ADAMTS19: variants seen among roughly 807,000 people sequenced by gnomAD.
The protein encoded by ADAMTS19 is ADAM metallopeptidase with thrombospondin type 1 motif 19.
A neutral mutation model predicts 153.3 loss-of-function variants in ADAMTS19; 93 were observed. That is an observed-to-expected ratio of 0.61 (90% CI 0.51 to 0.72). The LOEUF is 0.72. Among genes scored for constraint, ADAMTS19 ranks in the 30% least tolerant of loss-of-function variants. The pLI, the probability that ADAMTS19 is intolerant of heterozygous loss-of-function variation, is 0.00. For missense variants in ADAMTS19, 1,482 were observed against 1,552.1 expected, an observed-to-expected ratio of 0.95 and a Z score of 0.76; for synonymous variants, 600 against 556.6, an observed-to-expected ratio of 1.08 and a Z score of -1.10.
At chr5:129,670,851 A>G (rs1754269992) in intron 16 of ADAMTS19, among the ~76,000 whole-genome samples, 1 of 152,200 alleles carries the variant, frequency 6.6e-6, no homozygotes, top group Non-Finnish European at 1.5e-5. Context: ...ACCTCTAAAC[A>G]TAAGTCTCCA....
chr5:129,702,941 A>AAAAAATATATAT, intron 20 of ADAMTS19, among the ~76,000 whole-genome samples: 14 of 29,304 alleles, frequency 4.8e-4, no homozygotes, highest in African/African-American at 1.2e-3. Context: ...AAAAAAAAAA[A>AAAAAATATATAT]ATATATATAT....
At chr5:129,486,861 A>G (rs1441996977) in intron 2 of ADAMTS19, among the ~76,000 whole-genome samples, 3 of 152,216 alleles carry the variant, frequency 2.0e-5, no homozygotes, top group African/African-American at 7.2e-5. Context: ...GTACATAGAA[A>G]ATATTAAGTA....
At chr5:129,684,742 C>T (rs888855816) in intron 18 of ADAMTS19, among the ~76,000 whole-genome samples, 3 of 151,838 alleles carry the variant, frequency 2.0e-5, no homozygotes, top group Non-Finnish European at 4.4e-5. Context: ...AATCCCAGCA[C>T]TCTGGGAGGC....
intron 21 of ADAMTS19, among the ~76,000 whole-genome samples, chr5:129,708,664 T>G (rs1756289488): frequency 6.6e-6 from 1 of 151,712 alleles, no homozygotes; most frequent in African/African-American, 2.4e-5. Flanking sequence ...TTTATGAAGT[T>G]TTATAGAGTT....
At position 129,587,699 on chromosome 5, in the gene ADAMTS19, T is replaced by C. The variant is rs1749887292; in HGVS notation, c.1373-8860T>C. 2.6e-5 allele frequency among the ~76,000 whole-genome samples: 4 copies of C among 152,172 alleles called. No homozygotes were observed. In the South Asian group the frequency reaches 8.3e-4, roughly 31 times the overall value. Reference sequence around the variant, plus strand: ...TGGCAATTTTCTTGAAGGAGAATACTCTATGGCTTCTCAATTCTCCAGTTT... The same window carrying C: ...TGGCAATTTTCTTGAAGGAGAATACCCTATGGCTTCTCAATTCTCCAGTTT... On this transcript the variant is annotated intron_variant, in intron 7 of 22. Coordinates refer to ENST00000274487, the MANE Select transcript of ADAMTS19 (RefSeq NM_133638.6).
chr5:129,702,163 C>T (rs917731629), intron 20 of ADAMTS19, among the ~76,000 whole-genome samples: 1 of 152,156 alleles, frequency 6.6e-6, no homozygotes, highest in Non-Finnish European at 1.5e-5. Context: ...CCTCCCAACC[C>T]CTACAGGCTT....
At position 129,596,551 on chromosome 5, in the gene ADAMTS19, T is replaced by G. The variant is rs367754061; in HGVS notation, c.1373-8T>G. 4 of 1,539,418 alleles carry G rather than the reference T, an allele frequency of 2.6e-6. No homozygotes were observed. The highest frequency in any genetic ancestry group is 3.5e-6 in the Non-Finnish European group (4 of 1,128,510). On this transcript the variant is annotated splice_region_variant and splice_polypyrimidine_tract_variant and intron_variant, in intron 7 of 22. Coordinates refer to ENST00000274487, the MANE Select transcript of ADAMTS19 (RefSeq NM_133638.6). ...AGACATATAATAATTAATGTTTGTA[T>G]TTTTTAGGTATAGCTTACTTGAGTG...
chr5:129,585,132 C>T lies in ADAMTS19; in HGVS notation c.1373-11427C>T, dbSNP rs183007355. Among the ~76,000 whole-genome samples the T allele has an allele frequency of 8.6e-5, 13 of 151,936 alleles. No homozygotes were observed. The East Asian group carries it at 2.0e-3, about 23-fold the overall frequency. On this transcript the variant is annotated intron_variant, in intron 7 of 22. Transcript: ENST00000274487. Reference sequence around the variant, plus strand: ...TTCCTCAAGGCACAGTCCCTCATGGCTCCCCTTGGCTAGTGGAGGGAGTTC... The same window carrying T: ...TTCCTCAAGGCACAGTCCCTCATGGTTCCCCTTGGCTAGTGGAGGGAGTTC...
At chr5:129,646,618 T>C (rs1180139127) in intron 11 of ADAMTS19, among the ~76,000 whole-genome samples, 2 of 152,212 alleles carry the variant, frequency 1.3e-5, no homozygotes, top group Non-Finnish European at 2.9e-5. Flanking sequence ...GTAAGGGCTA[T>C]ACATTGTGTT....
rs528476572 is a variant in ADAMTS19, at chr5:129,573,237, G to T, written c.1372+21330G>T. On this transcript the variant is annotated intron_variant, in intron 7 of 22. Coordinates refer to ENST00000274487, the MANE Select transcript of ADAMTS19 (RefSeq NM_133638.6). ...TTGCTTAGGACCAATATTTTTTGCAGATTTTAGTGAGTTTCTGTGTTCAAA... is the reference window on the plus strand; with the variant it reads ...TTGCTTAGGACCAATATTTTTTGCATATTTTAGTGAGTTTCTGTGTTCAAA... Among the ~76,000 whole-genome samples the T allele has an allele frequency of 2.1e-4, 32 of 152,114 alleles. 1 individual carries two copies. The South Asian group carries it at 6.6e-3, about 31-fold the overall frequency.
intron 7 of ADAMTS19, among the ~76,000 whole-genome samples, chr5:129,591,418 G>A (rs998669626): frequency 4.6e-5 from 7 of 151,260 alleles, no homozygotes; most frequent in African/African-American, 1.2e-4. Context: ...TCAGCCTCCC[G>A]AGTAGCTGGA....
intron 18 of ADAMTS19, among the ~76,000 whole-genome samples, chr5:129,686,329 T>C (rs560028656): frequency 6.6e-6 from 1 of 152,160 alleles, no homozygotes; most frequent in African/African-American, 2.4e-5. Context: ...ATATGGGGGC[T>C]GGAAAGACAG....
intron 3 of ADAMTS19, among the ~76,000 whole-genome samples, chr5:129,513,714 T>G (rs1016452420): frequency 6.6e-6 from 1 of 152,070 alleles, no homozygotes; most frequent in Non-Finnish European, 1.5e-5. Flanking sequence ...CATATAGGCA[T>G]GCATTGTGAA....
intron 16 of ADAMTS19, among the ~76,000 whole-genome samples, chr5:129,678,177 T>C (rs934566535): frequency 6.6e-6 from 1 of 152,108 alleles, no homozygotes; most frequent in East Asian, 1.9e-4. Flanking sequence ...TAGTCCTCAT[T>C]TCTCCAGCCT....
intron 8 of ADAMTS19, among the ~76,000 whole-genome samples, chr5:129,604,564 A>G (rs938768857): frequency 7.2e-5 from 11 of 152,220 alleles, no homozygotes; most frequent in Non-Finnish European, 1.5e-4. Context: ...TTGACAGTGC[A>G]TAAGAAATAT....
chr5:129,538,983 G>A (rs1222262867), intron 6 of ADAMTS19, among the ~76,000 whole-genome samples: 5 of 152,032 alleles, frequency 3.3e-5, no homozygotes, highest in African/African-American at 1.2e-4. Context: ...GGTAATCAAT[G>A]TTAAGAGTTG....
chr5:129,526,293 G>T lies in ADAMTS19; in HGVS notation c.923G>T (p.Arg308Ile), dbSNP rs1752005539. 6.3e-7 allele frequency: 1 copy of T among 1,577,172 alleles called. No homozygotes were observed. Among genetic ancestry groups the T allele is most frequent in the African/African-American group, 1.4e-5 (1 of 72,320 alleles). Residue 308 changes from arginine (R) to isoleucine (I), a missense_variant, in exon 4 of 23, where the codon AGA becomes ATA. This residue lies in a region of ADAMTS19 where 866 missense variants were observed against 827.7 expected (regional missense o/e 1.05). Transcript: ENST00000274487. ...CAATTCTCTGTTGCAGATAAAGGAA[G>T]ACCTAGGTCTAGAAAAATAGCAGAA... ...HYCGIISDKG[R>I]PRSRKIAESG...
chr5:129,716,573 CT>C (rs35089778), intron 21 of ADAMTS19, among the ~76,000 whole-genome samples: 1,430 of 137,216 alleles, frequency 0.01, 20 homozygotes, highest in African/African-American at 0.03. Flanking sequence ...CTTCCAGTTT[CT>C]TTTTTTTTTT....
Position 129,528,651 on chromosome 5 carries a change from A to G in ADAMTS19, c.1302A>G (p.Ser434=), listed in dbSNP as rs994973177. Residue 434 remains serine (S), a synonymous_variant, in exon 6 of 23, where the codon TCA becomes TCG. Transcript: ENST00000274487. ...CAAACTGGGGGGAAGACATGACTTC[A>G]GTGGATGCAGCTATACTTATAACAA... ...MSTNWGEDMT[S]VDAAILITRK... 10 of 1,600,172 alleles carry G rather than the reference A, an allele frequency of 6.2e-6. No homozygotes were observed. The highest frequency in any genetic ancestry group is 8.5e-6 in the Non-Finnish European group (10 of 1,174,596).
Sources: gnomAD v4.1 joint callset for allele counts (sites outside exome capture counted in the v4.1 genomes callset) on GRCh38, gnomAD v4.1.1 for gene constraint, gnomAD v4.1.1 regional missense constraint, MANE v1.5 for transcripts, NCBI Gene and HGNC (gene_info 2026-07-23, HGNC 2026-07-21) for gene names.